Variants in TINAG observed in about 807,000 individuals in gnomAD.
TINAG encodes the protein tubulointerstitial nephritis antigen.
TINAG carries 83 observed loss-of-function variants against 72.7 expected under a neutral mutation model. That is an observed-to-expected ratio of 1.14 (90% CI 0.96 to 1.37). The LOEUF is 1.37. TINAG is among the 40% of genes most tolerant of loss of function. The pLI is 0.00. For missense variants in TINAG, 685 were observed against 576.6 expected (o/e 1.19, Z -1.93); for synonymous variants, 234 against 189.9 (o/e 1.23, Z -1.91).
At chr6:54,325,125 T>G (rs1421123720) in intron 3 of TINAG, among the ~76,000 whole-genome samples, 1 of 152,240 alleles carries the variant, frequency 6.6e-6, no homozygotes, top group East Asian at 1.9e-4. Flanking sequence ...ACCAAGGTCA[T>G]TCTCATCCTT....
intron 3 of TINAG, among the ~76,000 whole-genome samples, chr6:54,325,199 G>A (rs1208259059): frequency 6.6e-6 from 1 of 152,170 alleles, no homozygotes; most frequent in African/African-American, 2.4e-5. Context: ...TGTGTTTGAA[G>A]CTTTTGATCA....
At chr6:54,377,328 A>G (rs926324325) in intron 9 of TINAG, among the ~76,000 whole-genome samples, 2 of 152,022 alleles carry the variant, frequency 1.3e-5, no homozygotes, top group Admixed American at 6.6e-5. Flanking sequence ...CCTGGCCAAC[A>G]TGGTGAAACT....
intron 4 of TINAG, among the ~76,000 whole-genome samples, chr6:54,340,553 T>C (rs12209701): frequency 0.15 from 22,242 of 152,104 alleles, 1,824 homozygotes; most frequent in Non-Finnish European, 0.18. Context: ...TAATGAAATA[T>C]AAAATTTTCT....
intron 1 of TINAG, among the ~76,000 whole-genome samples, chr6:54,312,004 T>C (rs1784270236): frequency 6.6e-6 from 1 of 152,198 alleles, no homozygotes; most frequent in Admixed American, 6.6e-5. Context: ...AGTGGCCTTA[T>C]AATACTCTTG....
In TINAG at chr6:54,335,793, G is replaced by A. The variant is rs141089860; in HGVS notation, c.625-7433G>A. Among the ~76,000 whole-genome samples the A allele has an allele frequency of 1.3e-3, 202 of 152,240 alleles. 2 individuals are homozygous for A. Among genetic ancestry groups the A allele is most frequent in the African/African-American group, 4.4e-3 (181 of 41,538 alleles). ...AGTGGTGCACTCCCCTCACCGCCCT[G>A]CAAACACACTTTTCCCCAACTTTTA... On this transcript the variant is annotated intron_variant, in intron 4 of 10. Coordinates refer to ENST00000259782, the MANE Select transcript of TINAG (RefSeq NM_014464.4).
chr6:54,374,916 C>G (rs1736884419), intron 9 of TINAG, among the ~76,000 whole-genome samples: 1 of 151,704 alleles, frequency 6.6e-6, no homozygotes, highest in Non-Finnish European at 1.5e-5. Flanking sequence ...TTTTTTTAAT[C>G]TGTCTGGATC....
intron 9 of TINAG, among the ~76,000 whole-genome samples, chr6:54,369,027 T>C (rs1397510616): frequency 6.6e-6 from 1 of 151,884 alleles, no homozygotes; most frequent in Non-Finnish European, 1.5e-5. Context: ...ATAAAAGTAA[T>C]AACGTAGATA....
At chr6:54,370,472 C>G (rs1034977195) in intron 9 of TINAG, among the ~76,000 whole-genome samples, 3 of 151,864 alleles carry the variant, frequency 2.0e-5, no homozygotes, top group African/African-American at 7.3e-5. Context: ...GAAATTATTT[C>G]ATTTATTTAT....
chr6:54,360,170 C>T (rs1268706374), intron 9 of TINAG, among the ~76,000 whole-genome samples: 1 of 151,620 alleles, frequency 6.6e-6, no homozygotes, highest in Admixed American at 6.6e-5. Context: ...ACATATAACT[C>T]ACAGGACTGT....
At chr6:54,353,281 A>G (rs1001082783) in intron 8 of TINAG, among the ~76,000 whole-genome samples, 1 of 151,842 alleles carries the variant, frequency 6.6e-6, no homozygotes, top group African/African-American at 2.4e-5. Context: ...GTTCTACAGA[A>G]AAGAAAAGCC....
chr6:54,335,966 A>C (rs1784856038), intron 4 of TINAG, among the ~76,000 whole-genome samples: 1 of 152,108 alleles, frequency 6.6e-6, no homozygotes, highest in Non-Finnish European at 1.5e-5. Context: ...AAGAGTTTAG[A>C]TTCGGGAAAT....
chr6:54,353,453 A>T (rs748074830), intron 8 of TINAG, among the ~76,000 whole-genome samples: 1 of 151,906 alleles, frequency 6.6e-6, no homozygotes, highest in Non-Finnish European at 1.5e-5. Context: ...CTTTGTGTAC[A>T]TTCTTCTAAA....
At chr6:54,372,336 C>T (rs940183940) in intron 9 of TINAG, among the ~76,000 whole-genome samples, 2 of 151,872 alleles carry the variant, frequency 1.3e-5, no homozygotes, top group African/African-American at 4.8e-5. Context: ...TTTGGGATGC[C>T]TGTGAAATAA....
chr6:54,360,841 G>GTTTTTTTTTTTTT lies in TINAG; in HGVS notation c.1250+6224_1250+6236dup, dbSNP rs70983415. ...GTTTCTTGTGTTTCACAGATACTGT[G>GTTTTTTTTTTTTT]TTTTTTTTTTTTTTTTTTTTTTTTT... On this transcript the variant is annotated intron_variant, in intron 9 of 10. Coordinates refer to ENST00000259782, the MANE Select transcript of TINAG (RefSeq NM_014464.4). 1.3e-3 allele frequency among the ~76,000 whole-genome samples: 33 copies of GTTTTTTTTTTTTT among 26,252 alleles called. 10 individuals carry two copies. The East Asian group carries it at 0.015, about 12-fold the overall frequency. 17.2% of individuals were successfully genotyped at this position (26,252 alleles called of 152,430 possible). A position where few individuals can be genotyped will look rare whatever the true frequency, so the allele number is the denominator to read the frequency against.
At chr6:54,385,776 C>T (rs907215611) in intron 10 of TINAG, among the ~76,000 whole-genome samples, 7 of 151,066 alleles carry the variant, frequency 4.6e-5, no homozygotes. Context: ...GGATAACACT[C>T]CATAAGTGAA....
intron 1 of TINAG, among the ~76,000 whole-genome samples, chr6:54,318,885 T>C (rs1044588385): frequency 6.6e-6 from 1 of 152,116 alleles, no homozygotes; most frequent in African/African-American, 2.4e-5. Flanking sequence ...TTAATTCTCA[T>C]GCTAGATTAA....
At chr6:54,378,629 G>C (rs544275566) in intron 9 of TINAG, among the ~76,000 whole-genome samples, 1 of 152,232 alleles carries the variant, frequency 6.6e-6, no homozygotes, top group Non-Finnish European at 1.5e-5. Context: ...AAGTTTCCAA[G>C]CTAAGGGAGT....
chr6:54,322,388 T>G (rs12192061), intron 3 of TINAG, among the ~76,000 whole-genome samples: 67,118 of 151,558 alleles, frequency 0.44, 16,043 homozygotes, highest in Middle Eastern at 0.62. Flanking sequence ...GCTTTTATTA[T>G]AGAACTAAAA....
intron 1 of TINAG, among the ~76,000 whole-genome samples, chr6:54,313,682 T>C (rs1011838105): frequency 1.3e-5 from 2 of 152,170 alleles, no homozygotes; most frequent in African/African-American, 4.8e-5. Context: ...CTAGTAAATA[T>C]TGTTTGAATT....
Sources: gnomAD v4.1 joint callset for allele counts (sites outside exome capture counted in the v4.1 genomes callset) on GRCh38, gnomAD v4.1.1 for gene constraint, MANE v1.5 for transcripts, NCBI Gene and HGNC (gene_info 2026-07-23, HGNC 2026-07-21) for gene names.